NEK10: variants seen among roughly 807,000 people sequenced by gnomAD.
NEK10 encodes NIMA related kinase 10.
Under a neutral mutation model 159.8 loss-of-function variants are expected in NEK10, and 122 were observed. The observed-to-expected ratio is 0.76, with a 90% CI of 0.66 to 0.89. The LOEUF is 0.89. NEK10 is among the 40% of genes least tolerant of loss of function. The probability of loss-of-function intolerance (pLI) is 0.00; values close to 1 mark genes in which losing one functional copy is unlikely to be tolerated. For synonymous variants in NEK10, 466 were observed against 457.1 expected (o/e 1.02, Z -0.25); for missense variants, 1,342 against 1,323.1 (o/e 1.01, Z -0.22).
At chr3:27,255,733 T>A (rs1019312438) in intron 23 of NEK10, among the ~76,000 whole-genome samples, 2 of 152,204 alleles carry the variant, frequency 1.3e-5, no homozygotes, top group African/African-American at 4.8e-5. Flanking sequence ...TATCAAAATA[T>A]AAACACTCAT....
chr3:27,293,561 A>T (rs765360714), intron 16 of NEK10, 27 bp downstream of exon 16: 3 of 1,235,020 alleles, frequency 2.4e-6, no homozygotes, highest in Non-Finnish European at 2.3e-6. Flanking sequence ...AAACCTAATG[A>T]TCACTTATAT....
intron 29 of NEK10, among the ~76,000 whole-genome samples, chr3:27,169,394 C>T (rs1424165896): frequency 6.6e-6 from 1 of 152,132 alleles, no homozygotes; most frequent in East Asian, 1.9e-4. Context: ...CTCCCCATTA[C>T]TTCTGACCAT....
At chr3:27,290,362 T>G (rs1423046137) in intron 19 of NEK10, among the ~76,000 whole-genome samples, 1 of 152,188 alleles carries the variant, frequency 6.6e-6, no homozygotes, top group African/African-American at 2.4e-5. Context: ...AGAAAAGGAT[T>G]TCTCATATAT....
chr3:27,312,201 A>G, intron 7 of NEK10, 24 bp from the exon 8 acceptor site: 14 of 1,514,620 alleles, frequency 9.2e-6, no homozygotes, highest in Non-Finnish European at 1.3e-5. Context: ...CAAACCAACA[A>G]GCCAGTCAGG....
rs150795644 is a variant in NEK10, at chr3:27,293,722, T to C, written c.1309-70A>G. ...AATTAAAACATTTTCAGGAAAGAAT[T>C]AACAGGAAGTAAACATTAACGTGAC... is the stretch of plus-strand genomic sequence containing the variant. On this transcript the variant is annotated intron_variant, in intron 15 of 35. Coordinates refer to ENST00000691995, the MANE Select transcript of NEK10 (RefSeq NM_001394966.1). The C allele has an allele frequency of 2.9e-5, 24 of 822,994 alleles. No homozygotes were observed. In the South Asian group the frequency reaches 3.8e-4, roughly 13 times the overall value. The allele number at this position is 822,994 out of a possible 1,614,324, so 51.0% of individuals were successfully genotyped here.
intron 30 of NEK10, 147 bp downstream of exon 30, chr3:27,162,554 T>A (rs1403387899): frequency 1.9e-6 from 3 of 1,614,006 alleles, no homozygotes; most frequent in Non-Finnish European, 2.5e-6. Context: ...ATGTGGGCCC[T>A]GAGCATGTGG....
chr3:27,218,976 T>A (rs558225975), intron 23 of NEK10, among the ~76,000 whole-genome samples: 1 of 152,218 alleles, frequency 6.6e-6, no homozygotes, highest in Non-Finnish European at 1.5e-5. Flanking sequence ...TACAACCACC[T>A]ATGTTCTCCC....
intron 30 of NEK10, among the ~76,000 whole-genome samples, chr3:27,157,975 T>G (rs187767413): frequency 9.8e-4 from 150 of 152,324 alleles, no homozygotes; most frequent in African/African-American, 3.4e-3. Flanking sequence ...TTATAGTATA[T>G]ATATTTTTAG....
intron 13 of NEK10, among the ~76,000 whole-genome samples, chr3:27,299,181 G>T (rs894591221): frequency 6.6e-6 from 1 of 152,132 alleles, no homozygotes; most frequent in Non-Finnish European, 1.5e-5. Context: ...ACGGTTTCAT[G>T]GACTGGACCC....
intron 5 of NEK10, among the ~76,000 whole-genome samples, chr3:27,336,437 T>C (rs992010974): frequency 6.6e-6 from 1 of 152,148 alleles, no homozygotes; most frequent in African/African-American, 2.4e-5. Context: ...CTAATATCAA[T>C]CCTCCTGAAA....
chr3:27,239,582 TA>T (rs1299591052), intron 23 of NEK10, among the ~76,000 whole-genome samples: 2 of 152,354 alleles, frequency 1.3e-5, no homozygotes, highest in African/African-American at 2.4e-5. Context: ...AATCACATTT[TA>T]TAAGAGACTT....
At chr3:27,114,670 C>T (rs958151706) in intron 35 of NEK10, among the ~76,000 whole-genome samples, 6 of 152,156 alleles carry the variant, frequency 3.9e-5, no homozygotes, top group Non-Finnish European at 8.8e-5. Context: ...TGTTACTAGT[C>T]ATCTTTGGTG....
chr3:27,363,111 A>G (rs762411655), intron 1 of NEK10, among the ~76,000 whole-genome samples: 1 of 152,136 alleles, frequency 6.6e-6, no homozygotes, highest in Non-Finnish European at 1.5e-5. Context: ...GCCACCACAG[A>G]GTTACTCCTC....
rs200006537 is a variant in NEK10, at chr3:27,202,565, A to T, written c.2091-8T>A. 3.1e-6 allele frequency: 5 copies of T among 1,594,906 alleles called. No homozygotes were observed. The Admixed American group carries it at 6.8e-5, about 22-fold the overall frequency. ...CTCTTCAGTACCTCGGGGCTGAAGT[A>T]AAATAAGGACATTAATACATGCTAA... On this transcript the variant is annotated splice_polypyrimidine_tract_variant and splice_region_variant and intron_variant, in intron 23 of 35. Transcript: ENST00000691995.
Position 27,365,613 on chromosome 3 carries a change from T to G in NEK10, c.-38+3612A>C, listed in dbSNP as rs34509093. Among the ~76,000 whole-genome samples the G allele has an allele frequency of 3.1e-3, 173 of 55,820 alleles. 1 individual carries two copies. In the Middle Eastern group the frequency reaches 0.033, roughly 11 times the overall value. 36.6% of individuals were successfully genotyped at this position (55,820 alleles called of 152,430 possible). A position where few individuals can be genotyped will look rare whatever the true frequency, so the allele number is the denominator to read the frequency against. On this transcript the variant is annotated intron_variant, in intron 1 of 35. Transcript: ENST00000691995. ...GTTTTTTGTGTTTTTTTTTTGTGTT[T>G]TTTTTTTTTTTTTTTTTGAGATGGA...
chr3:27,157,444 T>A (rs1945593354), intron 30 of NEK10, among the ~76,000 whole-genome samples: 1 of 152,182 alleles, frequency 6.6e-6, no homozygotes, highest in Non-Finnish European at 1.5e-5. Flanking sequence ...ATTGCAAATG[T>A]AGTAGAAATA....
chr3:27,158,341 A>G (rs547261822), intron 30 of NEK10, among the ~76,000 whole-genome samples: 1 of 152,336 alleles, frequency 6.6e-6, no homozygotes, highest in East Asian at 1.9e-4. Context: ...GAAGGTATGT[A>G]CTTAAAATCA....
chr3:27,190,233 G>C (rs1263676105), intron 26 of NEK10, among the ~76,000 whole-genome samples: 1 of 152,138 alleles, frequency 6.6e-6, no homozygotes, highest in Non-Finnish European at 1.5e-5. Context: ...CTTGGTTTCA[G>C]AGCTTTCCCT....
At chr3:27,176,365 T>C (rs1947504373) in intron 26 of NEK10, among the ~76,000 whole-genome samples, 1 of 152,216 alleles carries the variant, frequency 6.6e-6, no homozygotes, top group African/African-American at 2.4e-5. Context: ...AATTTCTGCT[T>C]CTGAGGTCCA....
Sources: allele counts gnomAD v4.1 joint callset (sites outside exome capture counted in the v4.1 genomes callset), GRCh38; gene constraint gnomAD v4.1.1; transcripts MANE v1.5; gene names NCBI Gene and HGNC (gene_info 2026-07-23, HGNC 2026-07-21).